The following PIP4P2 variants were observed in gnomAD, a reference collection of about 807,000 sequenced individuals.
PIP4P2 encodes type 2 phosphatidylinositol 4,5-bisphosphate 4-phosphatase.
Under a neutral mutation model 33.3 loss-of-function variants are expected in PIP4P2, and 19 were observed. That is an observed-to-expected ratio of 0.57 (90% CI 0.40 to 0.84). The LOEUF (loss-of-function observed/expected upper bound fraction) is 0.84. Among genes scored for constraint, PIP4P2 ranks in the 40% least tolerant of loss-of-function variants. PIP4P2 has a pLI of 0.00. For missense variants in PIP4P2, 270 were observed against 324.7 expected (o/e 0.83, Z 1.29); for synonymous variants, 110 against 111.9 (o/e 0.98, Z 0.11).
chr8:90,994,989 G>C lies in PIP4P2; in HGVS notation c.*688C>G, dbSNP rs1811609215. ...CAAAAATGAAAGACAAAAGTCCTGTGATCTTTGAGAAAAGACATTTATCCA... is the reference window on the plus strand; with the variant it reads ...CAAAAATGAAAGACAAAAGTCCTGTCATCTTTGAGAAAAGACATTTATCCA... On this transcript the variant is annotated 3_prime_UTR_variant, in exon 7 of 7. Coordinates refer to ENST00000285419, the MANE Select transcript of PIP4P2 (RefSeq NM_018710.3). 1 of 152,086 alleles carries C rather than the reference G, an allele frequency of 6.6e-6. No individual in the cohort carries two copies. The highest frequency in any genetic ancestry group is 6.6e-5 in the Admixed American group (1 of 15,264). 9.4% of individuals were successfully genotyped at this position (152,086 alleles called of 1,614,324 possible).
At chr8:91,033,986 C>A (rs1031233888) in intron 1 of PIP4P2, among the ~76,000 whole-genome samples, 2 of 151,924 alleles carry the variant, frequency 1.3e-5, no homozygotes, top group African/African-American at 4.8e-5. Context: ...ACTTGCTGTT[C>A]CCGTTGCCTG....
chr8:91,011,051 T>C (rs1193123023), intron 4 of PIP4P2, among the ~76,000 whole-genome samples: 1 of 149,218 alleles, frequency 6.7e-6, no homozygotes, highest in African/African-American at 2.5e-5. Context: ...GATAGATAGA[T>C]AGATAGATAG....
At chr8:91,027,786 A>G (rs552519417) in intron 1 of PIP4P2, among the ~76,000 whole-genome samples, 1 of 152,276 alleles carries the variant, frequency 6.6e-6, no homozygotes, top group Admixed American at 6.5e-5. Flanking sequence ...AATGCAGAAA[A>G]CGCAATCAAA....
rs1483820393 is a variant in PIP4P2, at chr8:90,994,446, T to G, written c.*1231A>C. 1 of 152,400 alleles carries G rather than the reference T, an allele frequency of 6.6e-6. No homozygotes were observed. Among genetic ancestry groups the G allele is most frequent in the Non-Finnish European group, 1.5e-5 (1 of 67,950 alleles). 9.4% of individuals were successfully genotyped at this position (152,400 alleles called of 1,614,324 possible). A position where few individuals can be genotyped will look rare whatever the true frequency, so the allele number is the denominator to read the frequency against. Reference sequence around the variant, plus strand: ...TAAATAATTTAAAATATTAGTCTTATCTCTGGAATCACCAATCAATTTACT... The same window carrying G: ...TAAATAATTTAAAATATTAGTCTTAGCTCTGGAATCACCAATCAATTTACT... On this transcript the variant is annotated 3_prime_UTR_variant, in exon 7 of 7. Transcript: ENST00000285419.
chr8:91,039,823 T>C (rs1190475163), intron 1 of PIP4P2, among the ~76,000 whole-genome samples: 2 of 152,332 alleles, frequency 1.3e-5, no homozygotes, highest in Admixed American at 6.5e-5. Flanking sequence ...ATAAATCGAA[T>C]AGTATGGTAA....
chr8:91,008,910 T>C, intron 4 of PIP4P2, 115 bp from the exon 5 acceptor site: 1 of 780,020 alleles, frequency 1.3e-6, no homozygotes, highest in Non-Finnish European at 2.0e-6. Context: ...AGCAATCACC[T>C]TCTCACGGTT....
At chr8:91,001,845 G>A (rs1811703836) in intron 5 of PIP4P2, among the ~76,000 whole-genome samples, 1 of 151,864 alleles carries the variant, frequency 6.6e-6, no homozygotes, top group Non-Finnish European at 1.5e-5. Flanking sequence ...CATAGTTTGG[G>A]GGTGCTTTCC....
intron 4 of PIP4P2, among the ~76,000 whole-genome samples, chr8:91,015,535 G>T (rs1179984515): frequency 1.3e-5 from 2 of 152,178 alleles, no homozygotes; most frequent in Non-Finnish European, 2.9e-5. Flanking sequence ...CAGAAAAAAT[G>T]TAATTAATGG....
chr8:91,018,980 A>C (rs1049844897), intron 3 of PIP4P2, among the ~76,000 whole-genome samples: 1 of 152,138 alleles, frequency 6.6e-6, no homozygotes, highest in Non-Finnish European at 1.5e-5. Flanking sequence ...AAAAGAAAGC[A>C]AACAGGATCC....
intron 5 of PIP4P2, among the ~76,000 whole-genome samples, chr8:91,002,536 T>C (rs1278677718): frequency 2.6e-5 from 4 of 152,130 alleles, no homozygotes; most frequent in Non-Finnish European, 5.9e-5. Flanking sequence ...ACATTACAAT[T>C]TTCAGACAAG....
intron 3 of PIP4P2, among the ~76,000 whole-genome samples, chr8:91,019,266 G>A (rs1338955220): frequency 2.7e-5 from 4 of 150,820 alleles, no homozygotes; most frequent in Non-Finnish European, 4.4e-5. Context: ...AGTAAACTAA[G>A]TGATTACTTT....
intron 1 of PIP4P2, among the ~76,000 whole-genome samples, chr8:91,039,021 G>A (rs112756577): frequency 3.0e-4 from 46 of 152,194 alleles, no homozygotes; most frequent in African/African-American, 1.0e-3. Flanking sequence ...TCTATAAGCT[G>A]ATCCCTGAGT....
chr8:90,999,279 T>C (rs1248111995), intron 5 of PIP4P2, among the ~76,000 whole-genome samples: 2 of 151,950 alleles, frequency 1.3e-5, no homozygotes, highest in Admixed American at 1.3e-4. Flanking sequence ...GCTGGTGAGG[T>C]TGTAGAGAGA....
chr8:91,003,318 G>A (rs532201814), intron 5 of PIP4P2, among the ~76,000 whole-genome samples: 1 of 152,300 alleles, frequency 6.6e-6, no homozygotes, highest in East Asian at 1.9e-4. Flanking sequence ...CCTGGTGAGA[G>A]ATGCTGAATA....
chr8:91,040,798 T>A lies in PIP4P2; in HGVS notation c.-49A>T. The A allele has an allele frequency of 6.4e-7, 1 of 1,562,198 alleles. No individual in the cohort carries two copies. The highest frequency in any genetic ancestry group is 8.8e-7 in the Non-Finnish European group (1 of 1,141,742). On this transcript the variant is annotated 5_prime_UTR_variant, in exon 1 of 7. Transcript: ENST00000285419. Reference sequence around the variant, plus strand: ...GGGAGGCCGAGCCGGGGTTGCGGCCTCGGCGGAGTGGTGGCTACTGCTGCT... The same window carrying A: ...GGGAGGCCGAGCCGGGGTTGCGGCCACGGCGGAGTGGTGGCTACTGCTGCT...
intron 1 of PIP4P2, among the ~76,000 whole-genome samples, chr8:91,032,162 A>C (rs1269512911): frequency 6.6e-6 from 1 of 152,210 alleles, no homozygotes; most frequent in African/African-American, 2.4e-5. Flanking sequence ...TCTGGACTCT[A>C]AAGGGAGTTA....
At position 91,040,660 on chromosome 8, in the gene PIP4P2, T is replaced by C. The variant is rs1812293179; in HGVS notation, c.90A>G (p.Gln30=). ...TGGCCTTACCTCTGGGGCTGCTTTC[T>C]TGCAAGTACGGTGGGGCGGTGGGAG... The part of the protein sequence containing the change: ...NVTPTAPPYL[Q]ESSPRAELPP... The change falls in exon 1 of 7, where the codon CAA becomes CAG. Residue 30 remains glutamine (Q), a synonymous_variant. Transcript: ENST00000285419. 2 of 1,613,634 alleles carry C rather than the reference T, an allele frequency of 1.2e-6. No individual in the cohort carries two copies. Among genetic ancestry groups the C allele is most frequent in the Non-Finnish European group, 8.5e-7 (1 of 1,180,036 alleles).
At position 90,995,558 on chromosome 8, in the gene PIP4P2, G is replaced by T; in HGVS notation, c.*119C>A. On this transcript the variant is annotated 3_prime_UTR_variant, in exon 7 of 7. Coordinates refer to ENST00000285419, the MANE Select transcript of PIP4P2 (RefSeq NM_018710.3). ...GTTCATAAAAGACTCCCAAAGTCTT[G>T]AAACGATTATACATAAACCAGAATG... 1 of 1,275,838 alleles carries T rather than the reference G, an allele frequency of 7.8e-7. No individual in the cohort carries two copies. The highest frequency in any genetic ancestry group is 1.0e-6 in the Non-Finnish European group (1 of 970,236). The allele number at this position is 1,275,838 out of a possible 1,614,324, so 79.0% of individuals were successfully genotyped here.
chr8:91,024,918 T>A (rs992477864), intron 1 of PIP4P2, among the ~76,000 whole-genome samples: 6 of 152,154 alleles, frequency 3.9e-5, no homozygotes, highest in African/African-American at 1.4e-4. Context: ...CTAATTTCTT[T>A]ATTTTACAAA....
Sources: gnomAD v4.1 joint callset for allele counts (sites outside exome capture counted in the v4.1 genomes callset) on GRCh38, gnomAD v4.1.1 for gene constraint, MANE v1.5 for transcripts, NCBI Gene and HGNC (gene_info 2026-07-23, HGNC 2026-07-21) for gene names.